NPNT: variants seen among roughly 807,000 people sequenced by gnomAD.
NPNT encodes nephronectin.
NPNT carries 45 observed loss-of-function variants against 68.6 expected under a neutral mutation model. The ratio of observed to expected loss-of-function variants is 0.66; its 90% CI spans 0.52 to 0.84. The LOEUF (loss-of-function observed/expected upper bound fraction) is 0.84. NPNT is among the 40% of genes least tolerant of loss of function. The pLI, the probability that NPNT is intolerant of heterozygous loss-of-function variation, is 0.00. For missense variants in NPNT, 672 were observed against 714.8 expected (o/e 0.94, Z 0.68); for synonymous variants, 233 against 253.3 (o/e 0.92, Z 0.76).
intron 3 of NPNT, among the ~76,000 whole-genome samples, chr4:105,930,348 C>T (rs557563539): frequency 6.6e-6 from 1 of 152,294 alleles, no homozygotes; most frequent in South Asian, 2.1e-4. Context: ...AAGGGTTCCA[C>T]CAGTTCTTGG....
chr4:105,945,333 A>G (rs754878621), intron 8 of NPNT, among the ~76,000 whole-genome samples: 5 of 152,292 alleles, frequency 3.3e-5, no homozygotes, highest in Admixed American at 6.5e-5. Flanking sequence ...ACAAGAACAC[A>G]TCTTCAGCCC....
intron 2 of NPNT, among the ~76,000 whole-genome samples, chr4:105,918,951 G>A (rs1214781655): frequency 6.6e-6 from 1 of 152,126 alleles, no homozygotes; most frequent in Non-Finnish European, 1.5e-5. Flanking sequence ...GGCAATGAGA[G>A]CAGAGAGAAG....
At position 105,967,694 on chromosome 4, in the gene NPNT, G is replaced by GA. The variant is rs544786994; in HGVS notation, c.1602+259dup. On this transcript the variant is annotated intron_variant, in intron 11 of 11. Transcript: ENST00000379987. The stretch of plus-strand genomic sequence containing the variant: ...GGTAAAGATCCATTTTTTTTTAATG[G>GA]AAAAAAAAATCTAGGAATAGAAAAG... Among the ~76,000 whole-genome samples the GA allele has an allele frequency of 7.1e-3, 1,062 of 149,288 alleles. 12 individuals are homozygous for GA. The highest frequency in any genetic ancestry group is 0.022 in the African/African-American group (907 of 40,756).
At chr4:105,936,441 C>G (rs113046346) in intron 3 of NPNT, among the ~76,000 whole-genome samples, 6 of 43,594 alleles carry the variant, frequency 1.4e-4, no homozygotes, top group African/African-American at 2.9e-4. Flanking sequence ...GCCTATGTAG[C>G]CTTCCTTTGG....
chr4:105,949,675 G>A (rs764137018), intron 8 of NPNT, among the ~76,000 whole-genome samples: 2 of 152,076 alleles, frequency 1.3e-5, no homozygotes, highest in African/African-American at 4.8e-5. Context: ...AGGGGGACAT[G>A]CTTTCTGTTC....
Position 105,967,212 on chromosome 4 carries a change from C to T in NPNT, c.1370C>T (p.Ala457Val), listed in dbSNP as rs138238010. The T allele has an allele frequency of 3.4e-5, 55 of 1,613,700 alleles. No homozygotes were observed. Among genetic ancestry groups the T allele is most frequent in the Non-Finnish European group, 4.5e-5 (53 of 1,179,990 alleles). Residue 457 changes from alanine to valine, a missense_variant, in exon 11 of 12, where the codon GCA (alanine) becomes GTA (valine). Physicochemically the swap from Ala to Val is moderately conservative, Grantham distance 64 (BLOSUM62 0). Transcript: ENST00000379987. The part of the protein sequence containing the change: ...PAGGQYLTVS[A>V]AKAPGGKAAR... The stretch of plus-strand genomic sequence containing the variant: ...GGTGGACAATATCTGACAGTGTCGG[C>T]AGCCAAAGCCCCAGGGGGAAAAGCT...
At chr4:105,916,715 T>C (rs1293518545) in intron 2 of NPNT, among the ~76,000 whole-genome samples, 1 of 152,160 alleles carries the variant, frequency 6.6e-6, no homozygotes, top group Non-Finnish European at 1.5e-5. Context: ...ATTGTGGTTA[T>C]TTATGGATCT....
rs768309591 is a variant in NPNT, at chr4:105,942,537, C to T, written c.994C>T (p.Pro332Ser). 6 of 1,613,886 alleles carry T rather than the reference C, an allele frequency of 3.7e-6. No individual in the cohort carries two copies. The Admixed American group carries it at 5.0e-5, about 13-fold the overall frequency. Residue 332 changes from proline (P) to serine (S), a missense_variant, in exon 8 of 12, where the codon CCA becomes TCA. Pro to Ser is a moderately conservative substitution (Grantham distance 74). Transcript: ENST00000379987. ...ACCAATTCCTACTCCACCACCACCA[C>T]CACCCCTGCCAACAGAGCTCAGAAC... Reference protein sequence around the residue: ...PTPIPTPPPPPPLPTELRTPL... With the variant: ...PTPIPTPPPPSPLPTELRTPL...
rs146931359 is a variant in NPNT, at chr4:105,951,160, A to T, written c.1160-7311A>T. On this transcript the variant is annotated intron_variant, in intron 8 of 11. Coordinates refer to ENST00000379987, the MANE Select transcript of NPNT (RefSeq NM_001033047.3). ...ACTAGCCAAATGTAGGCTATTTAAA[A>T]TATAGCAATTGTGCCTAGGCATGTG... 3.8e-3 allele frequency among the ~76,000 whole-genome samples: 579 copies of T among 152,330 alleles called. 4 individuals carry two copies. Among genetic ancestry groups the T allele is most frequent in the African/African-American group, 0.013 (560 of 41,576 alleles).
At position 105,971,038 on chromosome 4, in the gene NPNT, C is replaced by A. The variant is rs72958806; in HGVS notation, c.*2048C>A. The A allele has an allele frequency of 0.023, 8,611 of 368,002 alleles. 343 individuals carry two copies. The highest frequency in any genetic ancestry group is 0.12 in the African/African-American group (5,573 of 46,962). The allele number at this position is 368,002 out of a possible 1,614,324, so 22.8% of individuals were successfully genotyped here. On this transcript the variant is annotated 3_prime_UTR_variant, in exon 12 of 12. Transcript: ENST00000379987. Reference sequence around the variant, plus strand: ...AATGTCCTAGTGTGGCGGTGGTTTTCAATGTTTCTTCATGTTAAAGGTATA... The same window carrying A: ...AATGTCCTAGTGTGGCGGTGGTTTTAAATGTTTCTTCATGTTAAAGGTATA...
At chr4:105,925,740 A>C (rs1728631003) in intron 2 of NPNT, among the ~76,000 whole-genome samples, 1 of 152,172 alleles carries the variant, frequency 6.6e-6, no homozygotes, top group African/African-American at 2.4e-5. Context: ...CCTGTCACCA[A>C]CACAAATCAT....
At chr4:105,953,059 G>A (rs763625060) in intron 8 of NPNT, among the ~76,000 whole-genome samples, 3 of 152,110 alleles carry the variant, frequency 2.0e-5, no homozygotes, top group Non-Finnish European at 4.4e-5. Context: ...CCAGCTACTC[G>A]AGAGGCTGAG....
At chr4:105,919,165 A>T (rs1560901259) in intron 2 of NPNT, among the ~76,000 whole-genome samples, 1 of 152,146 alleles carries the variant, frequency 6.6e-6, no homozygotes, top group Admixed American at 6.6e-5. Flanking sequence ...TATTAAAAAA[A>T]TTTTAAATCC....
chr4:105,970,254 C>G lies in NPNT; in HGVS notation c.*1264C>G. On this transcript the variant is annotated 3_prime_UTR_variant, in exon 12 of 12. Transcript: ENST00000379987. Reference sequence around the variant, plus strand: ...TTGGAATTCTAAGATCCATGAACCCCCAACTGTATTTCCTCCCTGCATATT... The same window carrying G: ...TTGGAATTCTAAGATCCATGAACCCGCAACTGTATTTCCTCCCTGCATATT... The G allele has an allele frequency of 1.7e-6, 1 of 574,320 alleles. No homozygotes were observed. 35.6% of individuals were successfully genotyped at this position (574,320 alleles called of 1,614,324 possible).
In NPNT at chr4:105,897,922, A is replaced by C. The variant is rs1578561971; in HGVS notation, c.93A>C (p.Ser31=). 1 of 1,613,510 alleles carries C rather than the reference A, an allele frequency of 6.2e-7. No homozygotes were observed. The highest frequency in any genetic ancestry group is 2.2e-5 in the East Asian group (1 of 44,856). ...FDGRWPRQIV[S]SIGLCRYGGR... ...GTAGGTGGCCCAGGCAAATAGTGTC[A>C]TCGATTGGCCTATGTCGTTATGGTG... Residue 31 remains serine, a synonymous_variant, in exon 2 of 12, where the codon TCA becomes TCC. Transcript: ENST00000379987.
At chr4:105,940,658 G>C in intron 7 of NPNT, 22 bp downstream of exon 7, 1 of 1,607,988 alleles carries the variant, frequency 6.2e-7, no homozygotes, top group Non-Finnish European at 8.5e-7. Context: ...TTGTCTCTCA[G>C]CTTTAAATTC....
intron 10 of NPNT, among the ~76,000 whole-genome samples, chr4:105,965,906 C>T (rs1167357766): frequency 1.3e-5 from 2 of 152,132 alleles, no homozygotes; most frequent in Non-Finnish European, 2.9e-5. Context: ...AACTTTGGTT[C>T]AGACTTTTAA....
rs1023760215 is a variant in NPNT, at chr4:105,970,740, A to T, written c.*1750A>T. ...GGTTAAAGATGTTCTTACCCAAGGAAAAGTAACAAATTATAGAATTTCCCA... is the reference window on the plus strand; with the variant it reads ...GGTTAAAGATGTTCTTACCCAAGGATAAGTAACAAATTATAGAATTTCCCA... On this transcript the variant is annotated 3_prime_UTR_variant, in exon 12 of 12. Coordinates refer to ENST00000379987, the MANE Select transcript of NPNT (RefSeq NM_001033047.3). 1.5e-5 allele frequency: 6 copies of T among 389,022 alleles called. No individual in the cohort carries two copies. The highest frequency in any genetic ancestry group is 1.5e-4 in the Admixed American group (4 of 26,550). 24.1% of individuals were successfully genotyped at this position (389,022 alleles called of 1,614,324 possible). A position where few individuals can be genotyped will look rare whatever the true frequency, so the allele number is the denominator to read the frequency against.
At chr4:105,904,169 T>A (rs1403244754) in intron 2 of NPNT, among the ~76,000 whole-genome samples, 1 of 152,216 alleles carries the variant, frequency 6.6e-6, no homozygotes, top group Non-Finnish European at 1.5e-5. Context: ...TGAACATTTA[T>A]GTTGATTCTA....
Sources: gnomAD v4.1 joint callset for allele counts (sites outside exome capture counted in the v4.1 genomes callset) on GRCh38, gnomAD v4.1.1 for gene constraint, MANE v1.5 for transcripts, NCBI Gene and HGNC (gene_info 2026-07-23, HGNC 2026-07-21) for gene names.